The following WWOX variants were observed in gnomAD, a reference collection of about 807,000 sequenced individuals.
The protein encoded by WWOX is WW domain-containing oxidoreductase.
In WWOX, 69 loss-of-function variants were observed where a neutral mutation model predicts 46.2. The observed-to-expected ratio is 1.49, with a 90% CI of 1.23 to 1.82. The LOEUF is 1.82. Among genes scored for constraint, WWOX ranks in the 40% most tolerant of loss-of-function variants. The probability of loss-of-function intolerance (pLI) is 0.00; values close to 1 mark genes in which losing one functional copy is unlikely to be tolerated. For synonymous variants in WWOX, 359 were observed against 202.6 expected (o/e 1.77, Z -6.56); for missense variants, 919 against 542.6 (o/e 1.69, Z -6.89).
chr16:78,623,881 T>C (rs1414330948), intron 8 of WWOX, among the ~76,000 whole-genome samples: 1 of 152,164 alleles, frequency 6.6e-6, no homozygotes, highest in East Asian at 1.9e-4. Context: ...GAGTCACATA[T>C]TGTATAGAAT....
chr16:78,279,207 A>T (rs1217252978), intron 5 of WWOX, among the ~76,000 whole-genome samples: 1 of 152,222 alleles, frequency 6.6e-6, no homozygotes, highest in African/African-American at 2.4e-5. Flanking sequence ...AGAAATAAAG[A>T]ACAGAACAGA....
chr16:78,658,511 A>T (rs1042181867), intron 8 of WWOX, among the ~76,000 whole-genome samples: 1 of 152,162 alleles, frequency 6.6e-6, no homozygotes, highest in Non-Finnish European at 1.5e-5. Context: ...CAGACACCTG[A>T]CATCGAGGTG....
At chr16:78,476,782 A>C in intron 8 of WWOX, among the ~76,000 whole-genome samples, 1 of 152,092 alleles carries the variant, frequency 6.6e-6, no homozygotes, top group Non-Finnish European at 1.5e-5. Context: ...TCTAAGGGCT[A>C]AGTAGCCAAC....
At chr16:78,562,869 T>C (rs1320750783) in intron 8 of WWOX, among the ~76,000 whole-genome samples, 4 of 152,112 alleles carry the variant, frequency 2.6e-5, no homozygotes, top group Non-Finnish European at 5.9e-5. Context: ...CTGAGCGACG[T>C]CGGAGCTCCA....
chr16:78,943,790 A>T (rs576921081), intron 8 of WWOX, among the ~76,000 whole-genome samples: 1 of 152,086 alleles, frequency 6.6e-6, no homozygotes, highest in Non-Finnish European at 1.5e-5. Context: ...TGAAGGGGAA[A>T]TCTTTCCCAC....
intron 8 of WWOX, among the ~76,000 whole-genome samples, chr16:78,971,363 G>A (rs2046464977): frequency 6.7e-6 from 1 of 150,332 alleles, no homozygotes; most frequent in Non-Finnish European, 1.5e-5. Flanking sequence ...GCTGAGGCGG[G>A]AGAATCTGTT....
chr16:78,439,971 C>T (rs565558800), intron 8 of WWOX, among the ~76,000 whole-genome samples: 1 of 152,146 alleles, frequency 6.6e-6, no homozygotes, highest in Admixed American at 6.5e-5. Context: ...TCAGAACTGT[C>T]CTCCTGAGTT....
intron 8 of WWOX, among the ~76,000 whole-genome samples, chr16:79,074,219 C>T (rs1253878883): frequency 6.6e-6 from 1 of 150,516 alleles, no homozygotes; most frequent in African/African-American, 2.4e-5. Flanking sequence ...TGGAAGGAAC[C>T]TGGATTTCTA....
chr16:78,931,985 C>G (rs774051316), intron 8 of WWOX, among the ~76,000 whole-genome samples: 1 of 152,224 alleles, frequency 6.6e-6, no homozygotes, highest in Non-Finnish European at 1.5e-5. Context: ...CTCTTGCCTG[C>G]TGCCATTTAA....
chr16:79,047,672 A>ATTTTTTTTTTTTTT (rs71140858), intron 8 of WWOX, among the ~76,000 whole-genome samples: 3 of 53,522 alleles, frequency 5.6e-5, no homozygotes, highest in Non-Finnish European at 1.1e-4. Flanking sequence ...GACTGTCCTG[A>ATTTTTTTTTTTTTT]TTTTTTTTTT....
Position 78,307,025 on chromosome 16 carries a change from C to G in WWOX, c.517-79835C>G, listed in dbSNP as rs183416243. On this transcript the variant is annotated intron_variant, in intron 5 of 8. Transcript: ENST00000566780. Reference sequence around the variant, plus strand: ...TTCCTGTGACAGTTCTCCATTATATCTTTGTTAGATAATAGTTAGCAACCC... The same window carrying G: ...TTCCTGTGACAGTTCTCCATTATATGTTTGTTAGATAATAGTTAGCAACCC... Among the ~76,000 whole-genome samples the G allele has an allele frequency of 7.9e-5, 12 of 152,278 alleles. No homozygotes were observed. In the East Asian group the frequency reaches 2.3e-3, roughly 29 times the overall value.
chr16:78,389,204 G>C (rs988819093), intron 6 of WWOX, among the ~76,000 whole-genome samples: 17 of 152,304 alleles, frequency 1.1e-4, no homozygotes, highest in African/African-American at 3.8e-4. Flanking sequence ...CCCTTTGCCA[G>C]AACTATCAAG....
chr16:78,840,907 C>T (rs764526711), intron 8 of WWOX, among the ~76,000 whole-genome samples: 9 of 151,988 alleles, frequency 5.9e-5, no homozygotes, highest in Middle Eastern at 3.4e-3. Flanking sequence ...AACATCTAGA[C>T]GTAGTTCTCA....
chr16:78,252,921 A>G (rs939669337), intron 5 of WWOX, among the ~76,000 whole-genome samples: 3 of 152,192 alleles, frequency 2.0e-5, no homozygotes, highest in Admixed American at 6.5e-5. Flanking sequence ...GCAAAATTAC[A>G]CCATTTGTTT....
chr16:78,151,457 T>C (rs7359490), intron 4 of WWOX, among the ~76,000 whole-genome samples: 96,395 of 151,940 alleles, frequency 0.63, 30,664 homozygotes, highest in East Asian at 0.75. Context: ...CTGTAGAGAA[T>C]ACCTTAGAAT....
intron 8 of WWOX, among the ~76,000 whole-genome samples, chr16:78,818,636 C>T (rs183529798): frequency 6.6e-6 from 1 of 152,162 alleles, no homozygotes; most frequent in Non-Finnish European, 1.5e-5. Flanking sequence ...GAGACTGAGG[C>T]AGGAGGATCA....
At chr16:78,708,479 T>G (rs937479012) in intron 8 of WWOX, among the ~76,000 whole-genome samples, 3 of 152,178 alleles carry the variant, frequency 2.0e-5, no homozygotes, top group Admixed American at 1.3e-4. Flanking sequence ...GACACTACCT[T>G]GGGAAATGAC....
At chr16:78,745,688 C>T (rs576304216) in intron 8 of WWOX, among the ~76,000 whole-genome samples, 2 of 151,764 alleles carry the variant, frequency 1.3e-5, no homozygotes, top group Non-Finnish European at 1.5e-5. Context: ...TCATAGACAT[C>T]CACCCCCTCA....
At chr16:78,807,820 A>G (rs2051082968) in intron 8 of WWOX, among the ~76,000 whole-genome samples, 1 of 152,234 alleles carries the variant, frequency 6.6e-6, no homozygotes, top group Admixed American at 6.5e-5. Context: ...ACTGAAATGA[A>G]TTAAAGTTGT....
Sources: allele counts gnomAD v4.1 joint callset (sites outside exome capture counted in the v4.1 genomes callset), GRCh38; gene constraint gnomAD v4.1.1; transcripts MANE v1.5; gene names NCBI Gene and HGNC (gene_info 2026-07-23, HGNC 2026-07-21).